SLC2A13: variants seen among roughly 807,000 people sequenced by gnomAD.
SLC2A13 encodes proton myo-inositol cotransporter.
In SLC2A13, 32 loss-of-function variants were observed where a neutral mutation model predicts 64.4. That is an observed-to-expected ratio of 0.50 (90% CI 0.37 to 0.67). The LOEUF (loss-of-function observed/expected upper bound fraction) is 0.67, where lower values mean the gene tolerates loss of function less well. SLC2A13 is among the 30% of genes least tolerant of loss of function. The pLI, the probability that SLC2A13 is intolerant of heterozygous loss-of-function variation, is 0.00. For synonymous variants in SLC2A13, 338 were observed against 327.1 expected (o/e 1.03, Z -0.36); for missense variants, 743 against 829.2 (o/e 0.90, Z 1.28).
intron 3 of SLC2A13, among the ~76,000 whole-genome samples, chr12:39,980,241 G>C (rs973089378): frequency 6.6e-6 from 1 of 151,924 alleles, no homozygotes; most frequent in South Asian, 2.1e-4. Flanking sequence ...AAAGACCATC[G>C]AGACTAGGAA....
At chr12:39,762,812 C>T (rs910203751) in intron 9 of SLC2A13, among the ~76,000 whole-genome samples, 3 of 151,940 alleles carry the variant, frequency 2.0e-5, no homozygotes, top group African/African-American at 7.2e-5. Context: ...CCAAATGGAC[C>T]AGTGCTCTGA....
intron 6 of SLC2A13, chr12:39,835,908 A>G (rs1216560619): frequency 6.6e-6 from 1 of 152,144 alleles, no homozygotes; most frequent in Non-Finnish European, 1.5e-5. Context: ...ACCAATTGTC[A>G]AAGGGTATTT....
chr12:40,048,241 C>A (rs749251781), intron 1 of SLC2A13, 31 bp from the exon 2 acceptor site: 2 of 1,572,672 alleles, frequency 1.3e-6, no homozygotes, highest in East Asian at 2.3e-5. Flanking sequence ...AAATGTGAGA[C>A]ATTTACTCAA....
chr12:39,860,230 A>G (rs369901058), intron 6 of SLC2A13, among the ~76,000 whole-genome samples: 64 of 152,314 alleles, frequency 4.2e-4, no homozygotes, highest in African/African-American at 1.5e-3. Flanking sequence ...GTAAGATGTA[A>G]GTGTAGGTGT....
intron 6 of SLC2A13, among the ~76,000 whole-genome samples, chr12:39,838,321 T>C (rs1294347894): frequency 7.9e-6 from 1 of 125,888 alleles, no homozygotes; most frequent in African/African-American, 3.0e-5. Context: ...AAGGGGAATA[T>C]CACACTCTGG....
intron 1 of SLC2A13, among the ~76,000 whole-genome samples, chr12:40,061,161 C>T (rs768931030): frequency 4.6e-5 from 7 of 151,442 alleles, no homozygotes; most frequent in Non-Finnish European, 1.0e-4. Flanking sequence ...CAAGGCAATT[C>T]AAAAAGGCAA....
chr12:39,924,027 G>A (rs1455952950), intron 4 of SLC2A13, among the ~76,000 whole-genome samples: 1 of 151,782 alleles, frequency 6.6e-6, no homozygotes, highest in Non-Finnish European at 1.5e-5. Flanking sequence ...TACTTGTATT[G>A]AATACAGCTT....
intron 6 of SLC2A13, among the ~76,000 whole-genome samples, chr12:39,846,687 A>G (rs1207962255): frequency 6.6e-6 from 1 of 152,102 alleles, no homozygotes; most frequent in Admixed American, 6.6e-5. Flanking sequence ...CCTAGGCTCA[A>G]AAGATCCACT....
At chr12:39,944,384 T>A (rs1946099677) in intron 4 of SLC2A13, among the ~76,000 whole-genome samples, 1 of 152,266 alleles carries the variant, frequency 6.6e-6, no homozygotes, top group South Asian at 2.1e-4. Context: ...ATAGTTTAAA[T>A]CCACTGTTTC....
At chr12:39,945,985 A>G (rs1470001472) in intron 4 of SLC2A13, among the ~76,000 whole-genome samples, 4 of 152,090 alleles carry the variant, frequency 2.6e-5, no homozygotes, top group Non-Finnish European at 5.9e-5. Context: ...TTTGGGTAGG[A>G]TCAGTCAGAG....
At chr12:39,760,298 A>G in intron 9 of SLC2A13, 46 bp from the exon 10 acceptor site, 2 of 1,519,024 alleles carry the variant, frequency 1.3e-6, no homozygotes, top group Non-Finnish European at 1.8e-6. Context: ...ATATAGAGAG[A>G]GGCTTAAGTT....
chr12:39,817,475 T>C (rs1942370442), intron 7 of SLC2A13, among the ~76,000 whole-genome samples: 1 of 149,006 alleles, frequency 6.7e-6, no homozygotes, highest in Non-Finnish European at 1.5e-5. Flanking sequence ...ACTCCTTATT[T>C]AGTGCAGAGA....
intron 3 of SLC2A13, among the ~76,000 whole-genome samples, chr12:39,966,332 G>A (rs11564119): frequency 0.13 from 19,667 of 151,770 alleles, 1,314 homozygotes; most frequent in South Asian, 0.24. Context: ...ATTTTGATAA[G>A]GGAAGTGAGG....
intron 7 of SLC2A13, among the ~76,000 whole-genome samples, chr12:39,781,910 C>G (rs1295673587): frequency 6.6e-6 from 1 of 152,144 alleles, no homozygotes; most frequent in Non-Finnish European, 1.5e-5. Flanking sequence ...GAGATCAGCT[C>G]TACCACCTGG....
chr12:39,839,765 A>G (rs764945631), intron 6 of SLC2A13, among the ~76,000 whole-genome samples: 1 of 152,036 alleles, frequency 6.6e-6, no homozygotes, highest in Non-Finnish European at 1.5e-5. Context: ...CTGAGCCCCC[A>G]TGACCTCTTT....
chr12:40,009,140 A>G (rs1947476230), intron 3 of SLC2A13, among the ~76,000 whole-genome samples: 2 of 152,130 alleles, frequency 1.3e-5, no homozygotes, highest in African/African-American at 2.4e-5. Flanking sequence ...ATATTCCCCA[A>G]ATCTGTTATG....
chr12:39,960,859 T>C (rs1421158983), intron 3 of SLC2A13, among the ~76,000 whole-genome samples: 3 of 149,144 alleles, frequency 2.0e-5, no homozygotes, highest in Non-Finnish European at 4.4e-5. Context: ...CCGATTCTCC[T>C]TTCTCGACCT....
At chr12:39,996,350 G>A (rs1338659656) in intron 3 of SLC2A13, among the ~76,000 whole-genome samples, 1 of 152,144 alleles carries the variant, frequency 6.6e-6, no homozygotes, top group African/African-American at 2.4e-5. Flanking sequence ...GTTTTATCAG[G>A]GAAGCACAGC....
chr12:39,861,054 T>C (rs189685891), intron 6 of SLC2A13, among the ~76,000 whole-genome samples: 178 of 152,368 alleles, frequency 1.2e-3, no homozygotes, highest in African/African-American at 4.2e-3. Context: ...CATAGTCATC[T>C]TCTTTCAGTT....
Sources: gnomAD v4.1 joint callset for allele counts (sites outside exome capture counted in the v4.1 genomes callset) on GRCh38, gnomAD v4.1.1 for gene constraint, MANE v1.5 for transcripts, NCBI Gene and HGNC (gene_info 2026-07-23, HGNC 2026-07-21) for gene names.